The following MAD1L1 variants were observed in gnomAD, a reference collection of about 807,000 sequenced individuals.
MAD1L1 encodes the protein mitotic arrest deficient 1 like 1, also known as mitotic spindle assembly checkpoint protein MAD1.
MAD1L1 carries 95 observed loss-of-function variants against 96.9 expected under a neutral mutation model. The observed-to-expected ratio is 0.98, with a 90% confidence interval of 0.83 to 1.16. The LOEUF (loss-of-function observed/expected upper bound fraction) is 1.16. Ranked by LOEUF, MAD1L1 falls within the 50% of genes most tolerant of loss-of-function variation. MAD1L1 has a pLI of 0.00. For synonymous variants in MAD1L1, 473 were observed against 396.6 expected, an observed-to-expected ratio of 1.19 and a Z score of -2.29; for missense variants, 1,007 against 954.4, an observed-to-expected ratio of 1.06 and a Z score of -0.73.
At chr7:2,209,676 C>G (rs1792797364) in intron 10 of MAD1L1, among the ~76,000 whole-genome samples, 1 of 152,218 alleles carries the variant, frequency 6.6e-6, no homozygotes, top group Non-Finnish European at 1.5e-5. Context: ...AGCAGCTCCT[C>G]CACACCCACG....
chr7:1,910,769 C>A (rs10274300), intron 17 of MAD1L1, among the ~76,000 whole-genome samples: 8 of 152,088 alleles, frequency 5.3e-5, no homozygotes, highest in African/African-American at 1.7e-4. Context: ...CGCAGCCTCG[C>A]TGCACCCATC....
rs1786907753 is a variant in MAD1L1, at chr7:2,103,228, G to A, written c.1074-33890C>T. 6.6e-6 allele frequency among the ~76,000 whole-genome samples: 1 copy of A among 152,180 alleles called. No homozygotes were observed. Among genetic ancestry groups the A allele is most frequent in the Admixed American group, 6.5e-5 (1 of 15,290 alleles). ...TCTCAGCCCACATGGTGTGTCCAGAGGGAGGCCGTCCATCCGGCCACGCTG... is the reference window on the plus strand; with the variant it reads ...TCTCAGCCCACATGGTGTGTCCAGAAGGAGGCCGTCCATCCGGCCACGCTG... On this transcript the variant is annotated intron_variant, in intron 11 of 18. Coordinates refer to ENST00000265854, the MANE Select transcript of MAD1L1 (RefSeq NM_001013836.2). This position sits in a 1 kb window ranked among gnomAD's most constrained non-coding sequence, Gnocchi z 4.3.
intron 11 of MAD1L1, 39 bp from the exon 12 acceptor site, chr7:2,069,377 G>C: frequency 6.6e-7 from 1 of 1,510,002 alleles, no homozygotes; most frequent in Non-Finnish European, 8.8e-7. Context: ...AATGAAGCCT[G>C]GGGTGACCAC....
chr7:1,974,913 C>T (rs1780566091), intron 15 of MAD1L1, among the ~76,000 whole-genome samples: 1 of 152,246 alleles, frequency 6.6e-6, no homozygotes. Flanking sequence ...GTCCGGGGTA[C>T]AGGACCCAGG....
intron 11 of MAD1L1, among the ~76,000 whole-genome samples, chr7:2,111,212 G>T (rs1028994581): frequency 2.0e-5 from 3 of 152,224 alleles, no homozygotes; most frequent in South Asian, 2.1e-4. Flanking sequence ...ACACCATGCG[G>T]TCTGTGTGAT....
At chr7:1,978,443 G>A (rs910974944) in intron 15 of MAD1L1, among the ~76,000 whole-genome samples, 1 of 152,226 alleles carries the variant, frequency 6.6e-6, no homozygotes, top group Non-Finnish European at 1.5e-5. Context: ...TGGTGAGCAG[G>A]TGGTGGGGAC....
rs1562375258 is a variant in MAD1L1, at chr7:2,210,468, GGGACCGCCAGCCCGCA to G, written c.986+2728_986+2743del. 3.7e-4 allele frequency among the ~76,000 whole-genome samples: 44 copies of G among 117,804 alleles called. 1 individual carries two copies. Among genetic ancestry groups the G allele is most frequent in the Admixed American group, 1.4e-3 (17 of 11,770 alleles). The allele number at this position is 117,804 out of a possible 152,430, so 77.3% of individuals were successfully genotyped here. A position where few individuals can be genotyped will look rare whatever the true frequency, so the allele number is the denominator to read the frequency against. On this transcript the variant is annotated intron_variant, in intron 10 of 18. Transcript: ENST00000265854. The stretch of plus-strand genomic sequence containing the variant: ...CGTGGACTCTCTAGGAGCCGTATTC[GGGACCGCCAGCCCGCA>G]TTCCCGTGGACTCTCTAGGAGCCGT...
intron 18 of MAD1L1, chr7:1,838,561 CG>C (rs1783058100): frequency 2.8e-6 from 1 of 353,624 alleles, no homozygotes; most frequent in African/African-American, 2.1e-5. Flanking sequence ...TTACGCTCAG[CG>C]AAAGATGCCA....
At chr7:2,034,908 T>A (rs1783397641) in intron 12 of MAD1L1, among the ~76,000 whole-genome samples, 1 of 152,182 alleles carries the variant, frequency 6.6e-6, no homozygotes, top group Admixed American at 6.5e-5. Flanking sequence ...AGTGTCACAG[T>A]CAAAGAGGGC....
intron 15 of MAD1L1, among the ~76,000 whole-genome samples, chr7:1,963,066 C>A (rs140599604): frequency 0.012 from 1,787 of 152,358 alleles, 27 homozygotes; most frequent in South Asian, 0.03. Context: ...ACACGTTACA[C>A]ACGTGACCGC....
At chr7:2,123,500 G>C (rs906736416) in intron 11 of MAD1L1, among the ~76,000 whole-genome samples, 1 of 152,080 alleles carries the variant, frequency 6.6e-6, no homozygotes, top group African/African-American at 2.4e-5. Flanking sequence ...CTCTGTTTGC[G>C]CTTGAGCTGG....
chr7:2,044,350 T>A (rs1283870569), intron 12 of MAD1L1, among the ~76,000 whole-genome samples: 1 of 152,142 alleles, frequency 6.6e-6, no homozygotes, highest in Non-Finnish European at 1.5e-5. Flanking sequence ...GGACCAGGAT[T>A]TGAACTCACG....
At chr7:2,080,914 G>A (rs971715247) in intron 11 of MAD1L1, among the ~76,000 whole-genome samples, 8 of 152,220 alleles carry the variant, frequency 5.3e-5, no homozygotes, top group East Asian at 1.9e-4. Context: ...AGGCGGTACC[G>A]CCGGGACGTG....
intron 10 of MAD1L1, among the ~76,000 whole-genome samples, chr7:2,167,700 A>T (rs1790506844): frequency 1.3e-5 from 2 of 152,022 alleles, no homozygotes. Flanking sequence ...ACTGCACTCC[A>T]ACCTGGGCAA....
intron 18 of MAD1L1, among the ~76,000 whole-genome samples, chr7:1,844,525 G>A (rs762467404): frequency 3.9e-5 from 6 of 152,122 alleles, no homozygotes; most frequent in African/African-American, 7.2e-5. Flanking sequence ...GGGCAGAGGC[G>A]GCCCAGGGAG....
At chr7:2,173,310 G>A (rs557450264) in intron 10 of MAD1L1, among the ~76,000 whole-genome samples, 3 of 152,178 alleles carry the variant, frequency 2.0e-5, no homozygotes, top group Non-Finnish European at 2.9e-5. Context: ...CCCCTCTGCC[G>A]CCCCGCAGGT....
At chr7:1,917,914 C>T (rs992018498) in intron 17 of MAD1L1, among the ~76,000 whole-genome samples, 11 of 152,276 alleles carry the variant, frequency 7.2e-5, no homozygotes, top group Admixed American at 2.0e-4. Flanking sequence ...CTAGCGGGGA[C>T]GGAGGGCGGC....
At chr7:2,107,880 G>T (rs926840580) in intron 11 of MAD1L1, among the ~76,000 whole-genome samples, 3 of 152,130 alleles carry the variant, frequency 2.0e-5, no homozygotes, top group African/African-American at 7.2e-5. Flanking sequence ...GGCACCCATG[G>T]GGATGGTGCC....
At chr7:2,134,570 G>C (rs1428542232) in intron 11 of MAD1L1, among the ~76,000 whole-genome samples, 1 of 152,166 alleles carries the variant, frequency 6.6e-6, no homozygotes, top group Non-Finnish European at 1.5e-5. Flanking sequence ...AAAGCTTCTA[G>C]TTTCTTACTT....
Sources: gnomAD v4.1 joint callset for allele counts (sites outside exome capture counted in the v4.1 genomes callset) on GRCh38, gnomAD v4.1.1 for gene constraint, Gnocchi (gnomAD v3.1) non-coding constraint, MANE v1.5 for transcripts, NCBI Gene and HGNC (gene_info 2026-07-23, HGNC 2026-07-21) for gene names.